Variants in PTPRD observed in about 807,000 individuals in gnomAD.
The protein encoded by PTPRD is receptor-type tyrosine-protein phosphatase delta.
Under a neutral mutation model 214.5 loss-of-function variants are expected in PTPRD, and 34 were observed. The observed-to-expected ratio is 0.16, with a 90% confidence interval of 0.12 to 0.21. The LOEUF (loss-of-function observed/expected upper bound fraction) is 0.21, where lower values mean the gene tolerates loss of function less well. Ranked by LOEUF, PTPRD falls within the 10% of genes least tolerant of loss-of-function variation. The pLI is 1.00. For synonymous variants in PTPRD, 1,128 were observed against 845.7 expected (o/e 1.33, Z -5.79); for missense variants, 2,545 against 2,398.7 (o/e 1.06, Z -1.27).
At chr9:9,883,682 C>A (rs142865100) in intron 5 of PTPRD, among the ~76,000 whole-genome samples, 78 of 152,258 alleles carry the variant, frequency 5.1e-4, no homozygotes, top group African/African-American at 1.9e-3. Flanking sequence ...ACCACTGCCT[C>A]ACATGTACTC....
At chr9:9,623,060 G>C (rs1377362938) in intron 7 of PTPRD, among the ~76,000 whole-genome samples, 1 of 152,122 alleles carries the variant, frequency 6.6e-6, no homozygotes. Flanking sequence ...ATTGGGCTGG[G>C]GAGACATAGC....
At chr9:10,191,708 T>C (rs921123982) in intron 3 of PTPRD, among the ~76,000 whole-genome samples, 1 of 152,178 alleles carries the variant, frequency 6.6e-6, no homozygotes, top group Admixed American at 6.5e-5. Context: ...CCTCTGATAA[T>C]CTTTCTATGA....
intron 34 of PTPRD, among the ~76,000 whole-genome samples, chr9:8,445,552 G>C (rs1451202438): frequency 6.6e-6 from 1 of 151,992 alleles, no homozygotes; most frequent in South Asian, 2.1e-4. Context: ...AAATGTTCCC[G>C]TATATTTGTC....
chr9:10,126,398 G>C (rs988798439), intron 3 of PTPRD, among the ~76,000 whole-genome samples: 3 of 149,282 alleles, frequency 2.0e-5, no homozygotes, highest in Non-Finnish European at 4.4e-5. Flanking sequence ...ATTGAAATTT[G>C]ATTCCTTAAA....
intron 5 of PTPRD, among the ~76,000 whole-genome samples, chr9:9,795,200 G>A (rs1444392886): frequency 2.6e-5 from 4 of 152,164 alleles, no homozygotes; most frequent in Non-Finnish European, 5.9e-5. Flanking sequence ...TATGGTGTTG[G>A]AAAGGCCACA....
At chr9:10,438,158 GTCATTT>G (rs1566034663) in intron 2 of PTPRD, among the ~76,000 whole-genome samples, 3 of 150,880 alleles carry the variant, frequency 2.0e-5, no homozygotes, top group Non-Finnish European at 4.4e-5. Flanking sequence ...TATTAAGTAA[GTCATTT>G]TCATTTTCCT....
At chr9:9,252,823 TC>T (rs2099976047) in intron 9 of PTPRD, among the ~76,000 whole-genome samples, 1 of 152,056 alleles carries the variant, frequency 6.6e-6, no homozygotes, top group African/African-American at 2.4e-5. Context: ...TTCTTTTCTG[TC>T]TTGTTAATCT....
At chr9:9,039,581 G>T (rs911224651) in intron 10 of PTPRD, among the ~76,000 whole-genome samples, 1 of 152,034 alleles carries the variant, frequency 6.6e-6, no homozygotes, top group African/African-American at 2.4e-5. Context: ...TACAAGAGTT[G>T]ATCAGACACA....
chr9:8,880,427 A>T (rs1200288208), intron 11 of PTPRD, among the ~76,000 whole-genome samples: 1 of 152,170 alleles, frequency 6.6e-6, no homozygotes, highest in Non-Finnish European at 1.5e-5. Context: ...TTTCACGAAG[A>T]TGATGATGAA....
intron 9 of PTPRD, among the ~76,000 whole-genome samples, chr9:9,393,255 T>C (rs929951132): frequency 2.0e-5 from 3 of 152,156 alleles, no homozygotes; most frequent in Non-Finnish European, 4.4e-5. Flanking sequence ...ATCTTTCTCA[T>C]TAACTCTGGG....
intron 7 of PTPRD, among the ~76,000 whole-genome samples, chr9:9,623,019 G>A (rs1332707332): frequency 6.6e-6 from 1 of 152,180 alleles, no homozygotes; most frequent in East Asian, 1.9e-4. Flanking sequence ...AATAGAAAAT[G>A]TTAGCTTAGG....
At chr9:8,548,675 G>T (rs1335046355) in intron 14 of PTPRD, among the ~76,000 whole-genome samples, 1 of 104,542 alleles carries the variant, frequency 9.6e-6, no homozygotes, top group Admixed American at 1.2e-4. Context: ...GCTGGAGCTG[G>T]ATTTTTTTTT....
intron 12 of PTPRD, among the ~76,000 whole-genome samples, chr9:8,678,321 A>C (rs1013033894): frequency 3.4e-4 from 52 of 152,282 alleles, no homozygotes; most frequent in African/African-American, 1.3e-3. Context: ...TGACCTTTTC[A>C]AAACCACGGT....
intron 14 of PTPRD, among the ~76,000 whole-genome samples, chr9:8,534,510 ATTTCT>A (rs1383298305): frequency 2.6e-5 from 4 of 151,842 alleles, no homozygotes; most frequent in Non-Finnish European, 5.9e-5. Flanking sequence ...AACAAGAGTG[ATTTCT>A]TTTCTTTGAC....
At chr9:8,876,232 G>C (rs1587130394) in intron 11 of PTPRD, among the ~76,000 whole-genome samples, 1 of 151,908 alleles carries the variant, frequency 6.6e-6, no homozygotes, top group East Asian at 1.9e-4. Context: ...GTGTGTTGTT[G>C]TTGTTGTTGT....
chr9:9,815,478 C>T (rs573152066), intron 5 of PTPRD, among the ~76,000 whole-genome samples: 11 of 151,722 alleles, frequency 7.3e-5, no homozygotes, highest in Non-Finnish European at 1.5e-5. Flanking sequence ...TAGATGACAC[C>T]GAAAGCAAAG....
At chr9:9,492,248 TAA>T (rs982665039) in intron 8 of PTPRD, among the ~76,000 whole-genome samples, 1 of 115,316 alleles carries the variant, frequency 8.7e-6, no homozygotes. Context: ...GTATCAATAA[TAA>T]AAAAAAAACC....
chr9:8,710,995 GTTC>G, intron 12 of PTPRD, among the ~76,000 whole-genome samples: 1 of 152,102 alleles, frequency 6.6e-6, no homozygotes, highest in East Asian at 1.9e-4. Flanking sequence ...AACTCCATGT[GTTC>G]TTATGTAATT....
intron 11 of PTPRD, among the ~76,000 whole-genome samples, chr9:8,859,676 C>T (rs1252033308): frequency 6.6e-6 from 1 of 152,184 alleles, no homozygotes; most frequent in Non-Finnish European, 1.5e-5. Flanking sequence ...TTTCCACCAT[C>T]TGCATGCTGT....
Sources: allele counts gnomAD v4.1 joint callset (sites outside exome capture counted in the v4.1 genomes callset), GRCh38; gene constraint gnomAD v4.1.1; transcripts MANE v1.5; gene names NCBI Gene and HGNC (gene_info 2026-07-23, HGNC 2026-07-21).